ITGAM: variants seen among roughly 807,000 people sequenced by gnomAD.
ITGAM encodes the protein integrin alpha-M.
A neutral mutation model predicts 137.5 loss-of-function variants in ITGAM; 79 were observed. The ratio of observed to expected loss-of-function variants is 0.57; its 90% CI spans 0.48 to 0.69. ITGAM has a LOEUF of 0.69. ITGAM is among the 30% of genes least tolerant of loss of function. The pLI, the probability that ITGAM is intolerant of heterozygous loss-of-function variation, is 0.00. For synonymous variants in ITGAM, 583 were observed against 592.3 expected, an observed-to-expected ratio of 0.98 and a Z score of 0.23; for missense variants, 1,343 against 1,483.5, an observed-to-expected ratio of 0.91 and a Z score of 1.56.
intron 8 of ITGAM, 26 bp from the exon 9 acceptor site, chr16:31,275,523 A>T (rs766098090): frequency 1.9e-6 from 3 of 1,612,134 alleles, no homozygotes; most frequent in Non-Finnish European, 2.5e-6. Context: ...TCACACCATG[A>T]TTTAGCCTCT....
chr16:31,311,794 C>G (rs1053704108), intron 14 of ITGAM, among the ~76,000 whole-genome samples: 1 of 151,990 alleles, frequency 6.6e-6, no homozygotes, highest in African/African-American at 2.4e-5. Context: ...GGTATATACC[C>G]AAAGGATTAT....
chr16:31,263,817 T>G (rs2079732718), intron 2 of ITGAM, among the ~76,000 whole-genome samples: 2 of 129,018 alleles, frequency 1.6e-5, no homozygotes. Context: ...ATTTATTTAT[T>G]TATTTATTTA....
rs752791646 is a variant in ITGAM, at chr16:31,297,823, G to A, written c.1576G>A (p.Val526Met). 1 of 1,613,792 alleles carries A rather than the reference G, an allele frequency of 6.2e-7. No homozygotes were observed. Among genetic ancestry groups the A allele is most frequent in the Non-Finnish European group, 8.5e-7 (1 of 1,179,866 alleles). Residue 526 changes from valine to methionine, a missense_variant, in exon 14 of 30, where the codon GTG (valine) becomes ATG (methionine). Val to Met is a conservative substitution (Grantham distance 21). Transcript: ENST00000544665. ...GGGCCGCTTTGGGGCAGCCCTAACAGTGCTGGGGGACGTAAATGGGGACAA... is the reference window on the plus strand; with the variant it reads ...GGGCCGCTTTGGGGCAGCCCTAACAATGCTGGGGGACGTAAATGGGGACAA... ...PWGRFGAALT[V>M]LGDVNGDKLT... is the part of the protein sequence containing the mutation.
chr16:31,331,859 G>A lies in ITGAM; in HGVS notation c.*152G>A. The A allele has an allele frequency of 1.7e-6, 1 of 599,514 alleles. No individual in the cohort carries two copies. Among genetic ancestry groups the A allele is most frequent in the South Asian group, 2.0e-5 (1 of 51,152 alleles). The allele number at this position is 599,514 out of a possible 1,614,324, so 37.1% of individuals were successfully genotyped here. A position where few individuals can be genotyped will look rare whatever the true frequency, so the allele number is the denominator to read the frequency against. On this transcript the variant is annotated 3_prime_UTR_variant, in exon 30 of 30. Transcript: ENST00000544665. ...TTTGTGTGTGTGCAAGTGTGTATGT[G>A]CGTGTGTGCAAGTGTCTGTGTGCAA... is the stretch of plus-strand genomic sequence containing the variant.
intron 23 of ITGAM, chr16:31,328,966 G>C: frequency 1.8e-6 from 1 of 570,646 alleles, no homozygotes; most frequent in East Asian, 3.0e-5. Flanking sequence ...GCGTGTGTGT[G>C]TCTGAGGGTC....
rs1036416549 is a variant in ITGAM at position 31,278,898 on chromosome 16, C to A, written c.1356+789C>A. The stretch of plus-strand genomic sequence containing the variant: ...GCTATCCCTTCCCTCTCCCTCCACC[C>A]TACGACGGGCCCTGGTGTGTGATGT... On this transcript the variant is annotated intron_variant, in intron 12 of 29. Transcript: ENST00000544665. Among the ~76,000 whole-genome samples, 4 of 152,302 alleles carry A rather than the reference C, an allele frequency of 2.6e-5. No homozygotes were observed. In the East Asian group the frequency reaches 5.8e-4, roughly 22 times the overall value.
intron 12 of ITGAM, among the ~76,000 whole-genome samples, chr16:31,280,072 C>A (rs1016263201): frequency 1.3e-5 from 2 of 152,224 alleles, no homozygotes; most frequent in African/African-American, 4.8e-5. Context: ...TTTCTGAGGG[C>A]CCTGTTCTGT....
intron 12 of ITGAM, among the ~76,000 whole-genome samples, chr16:31,291,977 A>G (rs2080091641): frequency 6.6e-6 from 1 of 152,146 alleles, no homozygotes; most frequent in African/African-American, 2.4e-5. Flanking sequence ...TAAATCCTTG[A>G]GGCAACGGAT....
Position 31,297,872 on chromosome 16 carries a change from C to T in ITGAM, c.1625C>T (p.Ala542Val), listed in dbSNP as rs1367928928. Residue 542 changes from alanine to valine, a missense_variant, in exon 14 of 30, where the codon GCC becomes GTC. Physicochemically the swap from Ala to Val is moderately conservative, Grantham distance 64. Transcript: ENST00000544665. ...GDKLTDVAIG[A>V]PGEEDNRGAV... The stretch of plus-strand genomic sequence containing the variant: ...AAGCTGACGGACGTGGCCATTGGGG[C>T]CCCAGGAGAGGAGGACAACCGGGGT... 6.2e-7 allele frequency: 1 copy of T among 1,613,868 alleles called. No individual in the cohort carries two copies. Among genetic ancestry groups the T allele is most frequent in the Non-Finnish European group, 8.5e-7 (1 of 1,179,932 alleles).
chr16:31,269,373 C>G lies in ITGAM; in HGVS notation c.428-1581C>G, dbSNP rs575958303. On this transcript the variant is annotated intron_variant, in intron 5 of 29. Transcript: ENST00000544665. ...CTAACGTTAGTCCTACAAAGGCAAT[C>G]TAGTCCCCAGGTAAGAAGGAGGTCT... Among the ~76,000 whole-genome samples the G allele has an allele frequency of 1.1e-4, 17 of 152,298 alleles. No homozygotes were observed. The South Asian group carries it at 3.3e-3, about 30-fold the overall frequency.
intron 29 of ITGAM, 58 bp downstream of exon 29, chr16:31,331,333 C>G (rs761413303): frequency 1.0e-6 from 1 of 999,940 alleles, no homozygotes; most frequent in Admixed American, 1.8e-5. Context: ...CGCGCTGCAG[C>G]TCCGTGCCTC....
At chr16:31,261,460 G>A (rs2079698359) in intron 1 of ITGAM, among the ~76,000 whole-genome samples, 1 of 151,522 alleles carries the variant, frequency 6.6e-6, no homozygotes, top group African/African-American at 2.4e-5. Context: ...GGGATAACAG[G>A]CCTGAGCCAC....
At chr16:31,306,719 C>G (rs929975525) in intron 14 of ITGAM, among the ~76,000 whole-genome samples, 1 of 151,974 alleles carries the variant, frequency 6.6e-6, no homozygotes, top group Non-Finnish European at 1.5e-5. Flanking sequence ...ACCATGTTGG[C>G]CAGTCTGGTC....
chr16:31,263,827 A>G (rs187804392), intron 2 of ITGAM, among the ~76,000 whole-genome samples: 1 of 146,730 alleles, frequency 6.8e-6, no homozygotes. Context: ...TTATTTATTT[A>G]TTTATTTATT....
chr16:31,330,061 C>G lies in ITGAM; in HGVS notation c.2977-20C>G. On this transcript the variant is annotated intron_variant, in intron 25 of 29. Transcript: ENST00000544665. Reference sequence around the variant, plus strand: ...TGGCGCCTTCATCTCTGCCCCTTCTCAGTGCGTCTCTTTCCTCAGAACCTC... The same window carrying G: ...TGGCGCCTTCATCTCTGCCCCTTCTGAGTGCGTCTCTTTCCTCAGAACCTC... 6.2e-7 allele frequency: 1 copy of G among 1,610,654 alleles called. No homozygotes were observed. The highest frequency in any genetic ancestry group is 8.5e-7 in the Non-Finnish European group (1 of 1,178,182).
At chr16:31,272,436 TATATATATATATATATATATATATATA>T (rs1466221659) in intron 7 of ITGAM, among the ~76,000 whole-genome samples, 16 of 6,252 alleles carry the variant, frequency 2.6e-3, no homozygotes, top group South Asian at 0.025. Flanking sequence ...TATATATATA[TATATATATATATATATATATATATATA>T]TTTTTTTTTT....
chr16:31,311,781 C>G (rs899864799), intron 14 of ITGAM, among the ~76,000 whole-genome samples: 9 of 152,162 alleles, frequency 5.9e-5, no homozygotes, highest in African/African-American at 2.2e-4. Flanking sequence ...CATCCCATTA[C>G]TGGGTATATA....
intron 4 of ITGAM, 61 bp from the exon 5 acceptor site, chr16:31,265,969 G>A (rs530979923): frequency 2.9e-4 from 457 of 1,589,406 alleles, no homozygotes; most frequent in Non-Finnish European, 3.7e-4. Context: ...GGAGGGTGGA[G>A]GTGCTGGGGT....
intron 14 of ITGAM, among the ~76,000 whole-genome samples, chr16:31,311,257 T>G (rs1348726883): frequency 6.6e-6 from 1 of 152,166 alleles, no homozygotes; most frequent in Non-Finnish European, 1.5e-5. Flanking sequence ...TCGAAAGCAA[T>G]GGCAACAAAA....
Sources: allele counts gnomAD v4.1 joint callset (sites outside exome capture counted in the v4.1 genomes callset), GRCh38; gene constraint gnomAD v4.1.1; transcripts MANE v1.5; gene names NCBI Gene and HGNC (gene_info 2026-07-23, HGNC 2026-07-21).